Variants in ACTR3C observed in about 807,000 individuals in gnomAD.
ACTR3C encodes actin related protein 3C.
In ACTR3C, 18 loss-of-function variants were observed where a neutral mutation model predicts 26.3. That is an observed-to-expected ratio of 0.68 (90% CI 0.47 to 1.01). The LOEUF (loss-of-function observed/expected upper bound fraction) is 1.01. Among genes scored for constraint, ACTR3C ranks in the 50% least tolerant of loss-of-function variants. ACTR3C has a pLI of 0.00. For synonymous variants in ACTR3C, 55 were observed against 94.5 expected (o/e 0.58, Z 2.42); for missense variants, 184 against 250.7 (o/e 0.73, Z 1.80).
At chr7:150,148,492 G>T in the ACTR3C span, among the ~76,000 whole-genome samples, 2 of 151,886 alleles carry the variant, frequency 1.3e-5, no homozygotes, top group African/African-American at 4.8e-5. Context: ...GAAAAAAAAA[G>T]TCACAAATCT....
chr7:150,111,676 A>G, the ACTR3C span, among the ~76,000 whole-genome samples: 2 of 125,048 alleles, frequency 1.6e-5, no homozygotes, highest in African/African-American at 3.3e-5. Flanking sequence ...CCGGTGCTGC[A>G]CACCAGAGAG....
the ACTR3C span, among the ~76,000 whole-genome samples, chr7:149,892,833 C>T: frequency 2.7e-5 from 4 of 146,352 alleles, no homozygotes; most frequent in Admixed American, 1.4e-4. Context: ...ATCACATAGC[C>T]TTAAAATGTA....
At chr7:150,163,384 A>ATG in the ACTR3C span, among the ~76,000 whole-genome samples, 1,564 of 148,776 alleles carry the variant, frequency 0.011, 19 homozygotes, top group East Asian at 0.03. Context: ...ATATGTGTGT[A>ATG]TGTGTGTGTG....
intron 1 of ACTR3C, chr7:150,322,772 T>C (rs190432247): frequency 1.3e-4 from 20 of 152,416 alleles, no homozygotes; most frequent in African/African-American, 4.8e-4. Context: ...GAATTCTTTC[T>C]TGCATGAGAT....
chr7:150,138,729 G>A, the ACTR3C span, among the ~76,000 whole-genome samples: 1 of 152,280 alleles, frequency 6.6e-6, no homozygotes, highest in African/African-American at 2.4e-5. Flanking sequence ...ATGGCTGTGT[G>A]TGTGCTCTAG....
chr7:150,246,880 C>T (rs780613728), downstream of ACTR3C: 2 of 152,276 alleles, frequency 1.3e-5, no homozygotes, highest in Non-Finnish European at 2.9e-5. Context: ...GCAACCTCCG[C>T]CTCCTGTGTT....
the ACTR3C span, among the ~76,000 whole-genome samples, chr7:150,149,079 G>GTATATATATATA: frequency 1.1e-5 from 1 of 93,176 alleles, no homozygotes; most frequent in Non-Finnish European, 2.1e-5. Context: ...TAAAGTTTGA[G>GTATATATATATA]TATATATATA....
At chr7:150,035,184 T>A in the ACTR3C span, among the ~76,000 whole-genome samples, 9 of 134,020 alleles carry the variant, frequency 6.7e-5, 1 homozygote, top group South Asian at 4.8e-4. Context: ...AGGGTCTGGC[T>A]CTCAGTCCCC....
At chr7:150,101,786 G>C in the ACTR3C span, among the ~76,000 whole-genome samples, 2 of 151,732 alleles carry the variant, frequency 1.3e-5, no homozygotes, top group Non-Finnish European at 2.9e-5. Context: ...AGGCATAATT[G>C]ACTCTCTATC....
rs186994664 is a variant in ACTR3C at position 150,310,199 on chromosome 7, G to C, written c.-52+13270C>G. Among the ~76,000 whole-genome samples the C allele has an allele frequency of 5.6e-3, 853 of 152,106 alleles. 6 individuals are homozygous for C. Among genetic ancestry groups the C allele is most frequent in the African/African-American group, 0.02 (814 of 41,492 alleles). On this transcript the variant is annotated intron_variant, in intron 1 of 7. Coordinates refer to ENST00000683684, the MANE Select transcript of ACTR3C (RefSeq NM_001164458.2). ...CTGCTGTCCTTTTGCCCAATTCAAG[G>C]CCTCTTTCACATCCTCCCTTTGTGT...
At chr7:149,903,902 TGG>T in the ACTR3C span, among the ~76,000 whole-genome samples, 1 of 48,568 alleles carries the variant, frequency 2.1e-5, no homozygotes, top group African/African-American at 3.5e-5. Context: ...TTGTTGTTGC[TGG>T]TTGTTGTTGT....
At chr7:150,217,950 T>C in the ACTR3C span, among the ~76,000 whole-genome samples, 1,116 of 152,300 alleles carry the variant, frequency 7.3e-3, 10 homozygotes, top group African/African-American at 0.025. Context: ...ATTTGCCAAA[T>C]GTAAATTGCT....
At chr7:149,999,234 AT>A in the ACTR3C span, among the ~76,000 whole-genome samples, 1 of 150,904 alleles carries the variant, frequency 6.6e-6, no homozygotes, top group Non-Finnish European at 1.5e-5. Context: ...ATAATCCTGT[AT>A]TTTAAATACA....
chr7:150,155,483 G>C, the ACTR3C span, among the ~76,000 whole-genome samples: 2 of 152,188 alleles, frequency 1.3e-5, no homozygotes, highest in Admixed American at 6.5e-5. Context: ...GGCACATAAG[G>C]CCTCAAAATG....
intron 1 of ACTR3C, among the ~76,000 whole-genome samples, chr7:150,319,099 A>G (rs1797223054): frequency 6.6e-6 from 1 of 152,226 alleles, no homozygotes; most frequent in Admixed American, 6.5e-5. Flanking sequence ...TTGTCAATTT[A>G]GGCAATTTAA....
rs558068869 is a variant in ACTR3C at position 150,278,623 on chromosome 7, G to C, written c.564+6130C>G. Among the ~76,000 whole-genome samples the C allele has an allele frequency of 6.0e-3, 921 of 152,318 alleles. 4 individuals are homozygous for C. Among genetic ancestry groups the C allele is most frequent in the Non-Finnish European group, 8.6e-3 (585 of 68,022 alleles). On this transcript the variant is annotated intron_variant, in intron 6 of 7. Coordinates refer to ENST00000683684, the MANE Select transcript of ACTR3C (RefSeq NM_001164458.2). ...GAGCTCCGCCATCCACATCTCCACC[G>C]GCCTCCCACGGCAACAGGTGTCTTA...
chr7:149,969,269 C>CTGTGTG, the ACTR3C span, among the ~76,000 whole-genome samples: 562 of 141,458 alleles, frequency 4.0e-3, 7 homozygotes, highest in African/African-American at 0.014. Context: ...TCAGAAAGAG[C>CTGTGTG]TGTGTGTGTG....
the ACTR3C span, among the ~76,000 whole-genome samples, chr7:150,175,964 G>A: frequency 6.6e-6 from 1 of 150,478 alleles, no homozygotes; most frequent in African/African-American, 2.5e-5. Flanking sequence ...AAGTCCCTTT[G>A]CCATAAAACA....
At chr7:150,158,909 A>ACACACACGTGCACACACATGTGCGCG in the ACTR3C span, among the ~76,000 whole-genome samples, 1 of 149,442 alleles carries the variant, frequency 6.7e-6, no homozygotes, top group African/African-American at 2.5e-5. Flanking sequence ...ACACGTGCGC[A>ACACACACGTGCACACACATGTGCGCG]CACACACGTG....
Sources: allele counts gnomAD v4.1 joint callset (sites outside exome capture counted in the v4.1 genomes callset), GRCh38; gene constraint gnomAD v4.1.1; transcripts MANE v1.5; gene names NCBI Gene and HGNC (gene_info 2026-07-23, HGNC 2026-07-21).